Variants in ODF1 observed in about 807,000 individuals in gnomAD.
ODF1 encodes the protein outer dense fiber of sperm tails 1.
In ODF1, 10 loss-of-function variants were observed where a neutral mutation model predicts 24.0. The observed-to-expected ratio is 0.42, with a 90% CI of 0.26 to 0.71. The LOEUF (loss-of-function observed/expected upper bound fraction) is 0.71, where lower values mean the gene tolerates loss of function less well. Among genes scored for constraint, ODF1 ranks in the 30% least tolerant of loss-of-function variants. The pLI, the probability that ODF1 is intolerant of heterozygous loss-of-function variation, is 0.28. For synonymous variants in ODF1, 118 were observed against 121.3 expected, an observed-to-expected ratio of 0.97 and a Z score of 0.18; for missense variants, 282 against 307.9, an observed-to-expected ratio of 0.92 and a Z score of 0.63.
chr8:102,558,976 G>T (rs1826146463), intron 1 of ODF1, among the ~76,000 whole-genome samples: 1 of 150,260 alleles, frequency 6.7e-6, no homozygotes, highest in Non-Finnish European at 1.5e-5. Context: ...AATTACATCT[G>T]CATCACAGTT....
At chr8:102,552,272 G>A (rs184315249) in intron 1 of ODF1, among the ~76,000 whole-genome samples, 41 of 152,062 alleles carry the variant, frequency 2.7e-4, no homozygotes, top group Admixed American at 8.5e-4. Context: ...CAAGGTCGTC[G>A]GTGGTTTATA....
rs1355276622 is a variant in ODF1, at chr8:102,560,172, C to CA, written c.321-278dup. On this transcript the variant is annotated intron_variant, in intron 1 of 1. Transcript: ENST00000285402. ...AGGGTTAAGGAACCTACACAAGGATCAATAATAAGAGGAGGAGCTGGTATT... is the reference window on the plus strand; with the variant it reads ...AGGGTTAAGGAACCTACACAAGGATCAAATAATAAGAGGAGGAGCTGGTATT... Among the ~76,000 whole-genome samples, 2 of 151,252 alleles carry CA rather than the reference C, an allele frequency of 1.3e-5. 1 individual carries two copies. The highest frequency in any genetic ancestry group is 4.9e-5 in the African/African-American group (2 of 40,658).
rs559880193 is a variant in ODF1, at chr8:102,555,213, C to G, written c.320+3166C>G. On this transcript the variant is annotated intron_variant, in intron 1 of 1. Transcript: ENST00000285402. ...CCTTTGTCGGAAGCCATGCCACCAG[C>G]CTGATTTAAGTTGTAACTGATTCAC... Among the ~76,000 whole-genome samples the G allele has an allele frequency of 1.1e-4, 16 of 152,268 alleles. No individual in the cohort carries two copies. The East Asian group carries it at 3.1e-3, about 29-fold the overall frequency.
intron 1 of ODF1, 43 bp downstream of exon 1, chr8:102,552,090 C>A (rs1826049107): frequency 1.4e-6 from 2 of 1,427,824 alleles, no homozygotes; most frequent in Non-Finnish European, 1.9e-6. Context: ...GGTATATTAG[C>A]CTTATAAGTT....
chr8:102,558,521 G>T (rs1826140238), intron 1 of ODF1, among the ~76,000 whole-genome samples: 1 of 152,176 alleles, frequency 6.6e-6, no homozygotes, highest in African/African-American at 2.4e-5. Flanking sequence ...TACACAAGTT[G>T]TTTCTGTTTG....
chr8:102,560,263 G>A lies in ODF1; in HGVS notation c.321-189G>A, dbSNP rs111662124. ...TCATTGTTAACAGCTGTGTACTTGC[G>A]GGGCAGTGTGATTCGCATGGGTGGA... is the stretch of plus-strand genomic sequence containing the variant. On this transcript the variant is annotated intron_variant, in intron 1 of 1. Coordinates refer to ENST00000285402, the MANE Select transcript of ODF1 (RefSeq NM_024410.4). Among the ~76,000 whole-genome samples, 16 of 147,512 alleles carry A rather than the reference G, an allele frequency of 1.1e-4. 1 individual carries two copies. The highest frequency in any genetic ancestry group is 3.2e-4 in the African/African-American group (12 of 37,160).
chr8:102,557,510 A>G lies in ODF1; in HGVS notation c.321-2942A>G, dbSNP rs1229987586. Reference sequence around the variant, plus strand: ...CCACAGGAGCCAAAGTGACCAGAATAGAGAAAAAAGAGGAACCCAAGCAAC... The same window carrying G: ...CCACAGGAGCCAAAGTGACCAGAATGGAGAAAAAAGAGGAACCCAAGCAAC... On this transcript the variant is annotated intron_variant, in intron 1 of 1. Transcript: ENST00000285402. Among the ~76,000 whole-genome samples, 4 of 152,364 alleles carry G rather than the reference A, an allele frequency of 2.6e-5. No homozygotes were observed. The East Asian group carries it at 5.8e-4, about 22-fold the overall frequency.
Position 102,560,805 on chromosome 8 carries a change from A to G in ODF1, c.674A>G (p.Asn225Ser), listed in dbSNP as rs62523272. Reference protein sequence around the residue: ...CSPCNPCSPCNPCSPYDPCNP... With the variant: ...CSPCNPCSPCSPCSPYDPCNP... ...CCCTGCAACCCCTGCAGCCCCTGCA[A>G]CCCGTGCAGCCCATATGATCCTTGC... Residue 225 changes from asparagine (N) to serine (S), a missense_variant, in exon 2 of 2, where the codon AAC (asparagine) becomes AGC (serine). By Grantham distance (46) the Asn-to-Ser change is conservative (BLOSUM62 1). Transcript: ENST00000285402. 5.8e-6 allele frequency: 5 copies of G among 867,202 alleles called. No individual in the cohort carries two copies. The highest frequency in any genetic ancestry group is 3.1e-5 in the African/African-American group (1 of 32,598). The allele number at this position is 867,202 out of a possible 1,614,324, so 53.7% of individuals were successfully genotyped here.
Position 102,551,678 on chromosome 8 carries a change from C to T in ODF1, c.-50C>T, listed in dbSNP as rs150498672. On this transcript the variant is annotated 5_prime_UTR_variant, in exon 1 of 2. Coordinates refer to ENST00000285402, the MANE Select transcript of ODF1 (RefSeq NM_024410.4). ...GAAGGGCTTAGAACAAATTTTTTCCCGGAGTGCCATTTCCCAAAGGTACTC... is the reference window on the plus strand; with the variant it reads ...GAAGGGCTTAGAACAAATTTTTTCCTGGAGTGCCATTTCCCAAAGGTACTC... 1.6e-3 allele frequency: 2,429 copies of T among 1,474,656 alleles called. 5 individuals carry two copies. The highest frequency in any genetic ancestry group is 3.8e-3 in the Middle Eastern group (21 of 5,494). 91.3% of individuals were successfully genotyped at this position (1,474,656 alleles called of 1,614,324 possible).
intron 1 of ODF1, among the ~76,000 whole-genome samples, chr8:102,556,920 T>G (rs1208727180): frequency 6.6e-6 from 1 of 152,166 alleles, no homozygotes; most frequent in East Asian, 1.9e-4. Flanking sequence ...AGGTAGACAT[T>G]TTTCACATCT....
At chr8:102,559,349 T>G (rs1826150860) in intron 1 of ODF1, among the ~76,000 whole-genome samples, 1 of 151,692 alleles carries the variant, frequency 6.6e-6, no homozygotes, top group Non-Finnish European at 1.5e-5. Flanking sequence ...TTATTTTTAT[T>G]AAGGATTTAC....
chr8:102,551,888 A>G lies in ODF1; in HGVS notation c.161A>G (p.Tyr54Cys). The change falls in exon 1 of 2, where the codon TAC becomes TGC. Residue 54 changes from tyrosine to cysteine, a missense_variant. Transcript: ENST00000285402. ...YCCCDLHPYPYCLCYSKRSRS... is the reference protein window; with the variant it reads ...YCCCDLHPYPCCLCYSKRSRS... ...TGCTGTGACTTGCACCCATATCCGT[A>G]CTGCTTGTGCTATTCCAAGCGATCA... 6.2e-7 allele frequency: 1 copy of G among 1,614,122 alleles called. No homozygotes were observed. The highest frequency in any genetic ancestry group is 8.5e-7 in the Non-Finnish European group (1 of 1,180,032).
intron 1 of ODF1, 120 bp from the exon 2 acceptor site, chr8:102,560,332 C>T (rs752645990): frequency 2.4e-4 from 220 of 901,184 alleles, no homozygotes; most frequent in Non-Finnish European, 1.8e-4. Context: ...TTTATTTTCA[C>T]AATGGCTAGT....
At chr8:102,552,287 G>A (rs77230014) in intron 1 of ODF1, among the ~76,000 whole-genome samples, 1,526 of 152,082 alleles carry the variant, frequency 0.01, 24 homozygotes, top group African/African-American at 0.034. Flanking sequence ...TTTATAGCAA[G>A]AATGCCAGTA....
intron 1 of ODF1, among the ~76,000 whole-genome samples, chr8:102,552,675 A>G (rs771949462): frequency 6.6e-6 from 1 of 152,178 alleles, no homozygotes; most frequent in South Asian, 2.1e-4. Flanking sequence ...TTCAGGATAG[A>G]CTTGAAAGGC....
Position 102,552,402 on chromosome 8 carries a change from T to C in ODF1, c.320+355T>C, listed in dbSNP as rs77852034. On this transcript the variant is annotated intron_variant, in intron 1 of 1. Coordinates refer to ENST00000285402, the MANE Select transcript of ODF1 (RefSeq NM_024410.4). ...TTTTCCTGGTTATGAGTAAAGTGAT[T>C]TGAGTATATTTGGACTTACAGAAAT... Among the ~76,000 whole-genome samples the C allele has an allele frequency of 6.0e-4, 91 of 152,244 alleles. 4 individuals carry two copies. The East Asian group carries it at 0.014, about 23-fold the overall frequency.
At chr8:102,559,763 G>GT (rs753455932) in intron 1 of ODF1, among the ~76,000 whole-genome samples, 65 of 151,612 alleles carry the variant, frequency 4.3e-4, no homozygotes, top group Non-Finnish European at 7.5e-4. Context: ...TGCCATCATT[G>GT]TTTGATTGAG....
intron 1 of ODF1, among the ~76,000 whole-genome samples, chr8:102,558,468 A>G (rs547996663): frequency 1.4e-3 from 211 of 152,236 alleles, no homozygotes; most frequent in African/African-American, 4.9e-3. Flanking sequence ...AAAAGAAAAA[A>G]GAAAAAAAAG....
rs1324687030 is a variant in ODF1, at chr8:102,551,709, A to G, written c.-19A>G. The G allele has an allele frequency of 1.3e-6, 2 of 1,548,286 alleles. No individual in the cohort carries two copies. Among genetic ancestry groups the G allele is most frequent in the South Asian group, 1.2e-5 (1 of 80,484 alleles). On this transcript the variant is annotated 5_prime_UTR_variant, in exon 1 of 2. Coordinates refer to ENST00000285402, the MANE Select transcript of ODF1 (RefSeq NM_024410.4). ...GCCATTTCCCAAAGGTACTCACAGA[A>G]CAATCAGGTGTGACCATAATGGCTG...
Sources: allele counts gnomAD v4.1 joint callset (sites outside exome capture counted in the v4.1 genomes callset), GRCh38; gene constraint gnomAD v4.1.1; transcripts MANE v1.5; gene names NCBI Gene and HGNC (gene_info 2026-07-23, HGNC 2026-07-21).